The following ACBD6 variants were observed in gnomAD, a reference collection of about 807,000 sequenced individuals.
ACBD6 encodes acyl-CoA-binding domain-containing protein 6.
Under a neutral mutation model 37.2 loss-of-function variants are expected in ACBD6, and 28 were observed. That is an observed-to-expected ratio of 0.75 (90% confidence interval 0.56 to 1.03). The LOEUF (loss-of-function observed/expected upper bound fraction) is 1.03, where lower values mean the gene tolerates loss of function less well. Ranked by LOEUF, ACBD6 falls within the 50% of genes least tolerant of loss-of-function variation. The pLI is 0.00. For missense variants in ACBD6, 340 were observed against 337.4 expected (o/e 1.01, Z -0.06); for synonymous variants, 113 against 126.8 (o/e 0.89, Z 0.73).
At chr1:180,444,399 C>G (rs1649400901) in intron 3 of ACBD6, among the ~76,000 whole-genome samples, 1 of 152,058 alleles carries the variant, frequency 6.6e-6, no homozygotes, top group African/African-American at 2.4e-5. Context: ...ATTAGTTCCT[C>G]TTTCTAATGC....
chr1:180,437,747 T>C (rs1013005570), intron 3 of ACBD6, among the ~76,000 whole-genome samples: 5 of 151,868 alleles, frequency 3.3e-5, no homozygotes, highest in African/African-American at 7.3e-5. Context: ...AGGAGTATTA[T>C]GAAGAAAAAA....
intron 7 of ACBD6, among the ~76,000 whole-genome samples, chr1:180,289,214 T>C (rs1443586584): frequency 1.3e-5 from 2 of 152,024 alleles, no homozygotes; most frequent in Non-Finnish European, 2.9e-5. Flanking sequence ...TGCACACATA[T>C]GAAAACTTAA....
At chr1:180,451,400 A>G (rs564916884) in intron 3 of ACBD6, among the ~76,000 whole-genome samples, 1 of 152,338 alleles carries the variant, frequency 6.6e-6, no homozygotes, top group Non-Finnish European at 1.5e-5. Context: ...AAATAAAGAT[A>G]TATGTACACA....
chr1:180,499,595 CG>C (rs1406673371), intron 1 of ACBD6, among the ~76,000 whole-genome samples: 2 of 151,964 alleles, frequency 1.3e-5, no homozygotes, highest in African/African-American at 4.8e-5. Context: ...TGTCCTAGAA[CG>C]AAAAATAATA....
At chr1:180,291,269 T>C (rs1321547683) in intron 7 of ACBD6, among the ~76,000 whole-genome samples, 1 of 152,224 alleles carries the variant, frequency 6.6e-6, no homozygotes, top group African/African-American at 2.4e-5. Flanking sequence ...TGCTGAGTCA[T>C]ATGGCAAGTG....
At chr1:180,440,967 G>A (rs1398335644) in intron 3 of ACBD6, among the ~76,000 whole-genome samples, 1 of 152,100 alleles carries the variant, frequency 6.6e-6, no homozygotes, top group Non-Finnish European at 1.5e-5. Flanking sequence ...ATGGACATTT[G>A]GGTTGTTTGC....
chr1:180,383,026 A>G (rs1016034634), intron 6 of ACBD6, among the ~76,000 whole-genome samples: 4 of 152,234 alleles, frequency 2.6e-5, no homozygotes, highest in African/African-American at 9.6e-5. Flanking sequence ...CAAACTAGGC[A>G]TAGATGGAAC....
intron 7 of ACBD6, among the ~76,000 whole-genome samples, chr1:180,310,988 A>G (rs1476504098): frequency 2.6e-5 from 4 of 152,210 alleles, no homozygotes; most frequent in Non-Finnish European, 4.4e-5. Flanking sequence ...CAGAAGACAT[A>G]AGACAGCTTT....
At chr1:180,485,001 C>T (rs113026334) in intron 3 of ACBD6, among the ~76,000 whole-genome samples, 14 of 150,234 alleles carry the variant, frequency 9.3e-5, no homozygotes, top group African/African-American at 3.4e-4. Flanking sequence ...ACCCGGAAGG[C>T]GGGGGTTGCA....
intron 6 of ACBD6, among the ~76,000 whole-genome samples, chr1:180,382,344 T>A (rs1653688742): frequency 6.6e-6 from 1 of 151,110 alleles, no homozygotes; most frequent in South Asian, 2.1e-4. Flanking sequence ...AAGACCCAAA[T>A]AAACAAAATC....
chr1:180,472,920 A>T (rs2102059653), intron 3 of ACBD6, among the ~76,000 whole-genome samples: 1 of 152,306 alleles, frequency 6.6e-6, no homozygotes, highest in South Asian at 2.1e-4. Context: ...CAACACAAAT[A>T]GATATGAAAA....
chr1:180,413,790 C>T (rs1006001242), intron 4 of ACBD6, among the ~76,000 whole-genome samples: 2 of 151,994 alleles, frequency 1.3e-5, no homozygotes, highest in African/African-American at 4.8e-5. Context: ...ATTCAAAAAT[C>T]CTTTATAAGA....
At chr1:180,286,486 C>A (rs1161209138), downstream of ACBD6, among the ~76,000 whole-genome samples, 11 of 152,074 alleles carry the variant, frequency 7.2e-5, no homozygotes. Flanking sequence ...TTAAAAAATG[C>A]ACAAAGTAAT....
At chr1:180,477,978 T>TAAAAAAAAGAAA (rs1553216331) in intron 3 of ACBD6, among the ~76,000 whole-genome samples, 3 of 145,082 alleles carry the variant, frequency 2.1e-5, no homozygotes, top group African/African-American at 7.7e-5. Flanking sequence ...TCCATCTCTT[T>TAAAAAAAAGAAA]AAAAAAAAAA....
chr1:180,500,861 C>T (rs1401576041), intron 1 of ACBD6, among the ~76,000 whole-genome samples: 1 of 145,442 alleles, frequency 6.9e-6, no homozygotes, highest in African/African-American at 2.6e-5. Context: ...AAGTGAGTGT[C>T]ATGATGTTTT....
chr1:180,439,719 T>C (rs1001621394), intron 3 of ACBD6, among the ~76,000 whole-genome samples: 10 of 152,242 alleles, frequency 6.6e-5, no homozygotes, highest in African/African-American at 2.4e-4. Context: ...ATCTTGGTTA[T>C]GATTCTCTGT....
At chr1:180,340,649 A>G (rs1282402123) in intron 6 of ACBD6, among the ~76,000 whole-genome samples, 1 of 151,684 alleles carries the variant, frequency 6.6e-6, no homozygotes, top group Non-Finnish European at 1.5e-5. Context: ...CAAAAAAACA[A>G]AAACAGGGGT....
rs549852121 is a variant in ACBD6 at position 180,271,778 on chromosome 1, G to C, written c.*1447C>G. 4.3e-5 allele frequency: 69 copies of C among 1,600,268 alleles called. 1 individual carries two copies. The South Asian group carries it at 6.3e-4, about 15-fold the overall frequency. Reference sequence around the variant, plus strand: ...CAGCCGCCCGCCTAGGGGGTCCTGGGGGCTTTGGGTTTGTGGTGGACGCCC... The same window carrying C: ...CAGCCGCCCGCCTAGGGGGTCCTGGCGGCTTTGGGTTTGTGGTGGACGCCC... On this transcript the variant is annotated 3_prime_UTR_variant, in exon 14 of 14. Transcript: ENST00000642319.
At chr1:180,424,685 G>T (rs1283152133) in intron 4 of ACBD6, among the ~76,000 whole-genome samples, 1 of 151,918 alleles carries the variant, frequency 6.6e-6, no homozygotes, top group Non-Finnish European at 1.5e-5. Context: ...ATACAGATAA[G>T]GATATGGGAA....
Sources: gnomAD v4.1 joint callset for allele counts (sites outside exome capture counted in the v4.1 genomes callset) on GRCh38, gnomAD v4.1.1 for gene constraint, MANE v1.5 for transcripts, NCBI Gene and HGNC (gene_info 2026-07-23, HGNC 2026-07-21) for gene names.